The following SPA17 variants were observed in gnomAD, a reference collection of about 807,000 sequenced individuals.
The protein encoded by SPA17 is sperm surface protein Sp17.
A neutral mutation model predicts 13.8 loss-of-function variants in SPA17; 7 were observed. The ratio of observed to expected loss-of-function variants is 0.51; its 90% CI spans 0.29 to 0.95. SPA17 has a LOEUF of 0.95. Among genes scored for constraint, SPA17 ranks in the 40% least tolerant of loss-of-function variants. The pLI is 0.08. For missense variants in SPA17, 170 were observed against 179.3 expected, an observed-to-expected ratio of 0.95 and a Z score of 0.30; for synonymous variants, 61 against 59.0, an observed-to-expected ratio of 1.03 and a Z score of -0.16.
chr11:124,676,072 T>C (rs1039232700), intron 2 of SPA17: 8 of 152,214 alleles, frequency 5.3e-5, no homozygotes, highest in African/African-American at 1.4e-4. Context: ...GCAAAATTCC[T>C]TCACTCCTAT....
intron 3 of SPA17, among the ~76,000 whole-genome samples, chr11:124,684,824 C>G (rs987749883): frequency 4.6e-5 from 7 of 152,164 alleles, no homozygotes; most frequent in Admixed American, 2.0e-4. Flanking sequence ...AAAGGTCACT[C>G]TTACTATGCA....
At chr11:124,676,137 C>CAGGT (rs937480104) in intron 2 of SPA17, 1 of 152,150 alleles carries the variant, frequency 6.6e-6, no homozygotes, top group African/African-American at 2.4e-5. Flanking sequence ...AGGACTTTAC[C>CAGGT]AGTTTTGTAC....
chr11:124,681,526 G>GCTAT, intron 3 of SPA17, 67 bp downstream of exon 3: 1 of 1,217,532 alleles, frequency 8.2e-7, no homozygotes, highest in Non-Finnish European at 1.1e-6. Flanking sequence ...CAATTATTAG[G>GCTAT]CTATCCCCAG....
chr11:124,680,554 T>G (rs1943518320), intron 2 of SPA17, among the ~76,000 whole-genome samples: 1 of 152,210 alleles, frequency 6.6e-6, no homozygotes, highest in Non-Finnish European at 1.5e-5. Context: ...GGGTCCTGAT[T>G]TGAACCAACA....
chr11:124,694,435 G>A lies in SPA17; in HGVS notation c.445G>A (p.Glu149Lys). ...TNSLQNEEKE[E>K]NK ...TAGTCTTCAAAATGAGGAAAAAGAG[G>A]AAAACAAGTGAGGACACTGGTTTTA... is the stretch of plus-strand genomic sequence containing the variant. The change falls in exon 5 of 5, where the codon GAA becomes AAA. Residue 149 changes from glutamate (E) to lysine (K), a missense_variant. Glu to Lys is a moderately conservative substitution (Grantham distance 56, BLOSUM62 1). Coordinates refer to ENST00000227135, the MANE Select transcript of SPA17 (RefSeq NM_017425.4). 1 of 1,610,816 alleles carries A rather than the reference G, an allele frequency of 6.2e-7. No homozygotes were observed. The highest frequency in any genetic ancestry group is 8.5e-7 in the Non-Finnish European group (1 of 1,178,794).
At chr11:124,692,927 C>T (rs1027039423) in intron 4 of SPA17, among the ~76,000 whole-genome samples, 21 of 152,210 alleles carry the variant, frequency 1.4e-4, no homozygotes, top group Non-Finnish European at 2.6e-4. Context: ...AAGGAATACC[C>T]TACTTCCTAC....
intron 3 of SPA17, among the ~76,000 whole-genome samples, chr11:124,685,478 T>G (rs1943569336): frequency 6.6e-6 from 1 of 152,144 alleles, no homozygotes; most frequent in Admixed American, 6.5e-5. Context: ...TCTACTAGGG[T>G]AGTGCAGAAG....
intron 4 of SPA17, among the ~76,000 whole-genome samples, chr11:124,694,021 T>A (rs1943649423): frequency 1.3e-5 from 2 of 152,196 alleles, no homozygotes. Flanking sequence ...AAAAATGTTG[T>A]TGCTCAGGAA....
At position 124,691,868 on chromosome 11, in the gene SPA17, G is replaced by C. The variant is rs999446139; in HGVS notation, c.312+86G>C. On this transcript the variant is annotated intron_variant, in intron 4 of 4. Transcript: ENST00000227135. ...AACTGAACTCCAAATATGAATGTCTGTTATCTTTATTGTCAAAATTATGAC... is the reference window on the plus strand; with the variant it reads ...AACTGAACTCCAAATATGAATGTCTCTTATCTTTATTGTCAAAATTATGAC... The C allele has an allele frequency of 1.1e-5, 8 of 757,042 alleles. No homozygotes were observed. In the African/African-American group the frequency reaches 1.3e-4, roughly 12 times the overall value. The allele number at this position is 757,042 out of a possible 1,614,324, so 46.9% of individuals were successfully genotyped here.
intron 4 of SPA17, among the ~76,000 whole-genome samples, chr11:124,692,281 C>T (rs1943629332): frequency 6.6e-6 from 1 of 152,120 alleles, no homozygotes; most frequent in African/African-American, 2.4e-5. Flanking sequence ...TACATCCAAG[C>T]AGTCAAGACA....
intron 3 of SPA17, among the ~76,000 whole-genome samples, chr11:124,686,524 T>C (rs979614725): frequency 6.6e-6 from 1 of 152,238 alleles, no homozygotes; most frequent in African/African-American, 2.4e-5. Context: ...TTCTCAAAGA[T>C]AGACCATATT....
In SPA17 at chr11:124,695,591, T is replaced by C. The variant is rs1943664154; in HGVS notation, c.*1145T>C. On this transcript the variant is annotated 3_prime_UTR_variant, in exon 5 of 5. Transcript: ENST00000227135. Reference sequence around the variant, plus strand: ...GCAGTTCTCTTCCCAATACAAAAGGTAGAAAGTGGAGTCTTACCATTTAGT... The same window carrying C: ...GCAGTTCTCTTCCCAATACAAAAGGCAGAAAGTGGAGTCTTACCATTTAGT... 6.6e-6 allele frequency: 1 copy of C among 152,206 alleles called. No individual in the cohort carries two copies. The highest frequency in any genetic ancestry group is 2.4e-5 in the African/African-American group (1 of 41,442). 9.4% of individuals were successfully genotyped at this position (152,206 alleles called of 1,614,324 possible).
At chr11:124,683,031 C>T (rs916004561) in intron 3 of SPA17, among the ~76,000 whole-genome samples, 2 of 152,090 alleles carry the variant, frequency 1.3e-5, no homozygotes, top group Non-Finnish European at 2.9e-5. Context: ...GACTAATAAC[C>T]GTACTTCTCA....
In SPA17 at chr11:124,696,624, T is replaced by C. The variant is rs925759003; in HGVS notation, c.*2178T>C. 4.6e-5 allele frequency: 7 copies of C among 152,192 alleles called. No individual in the cohort carries two copies. Among genetic ancestry groups the C allele is most frequent in the African/African-American group, 1.7e-4 (7 of 41,428 alleles). The allele number at this position is 152,192 out of a possible 1,614,324, so 9.4% of individuals were successfully genotyped here. A position where few individuals can be genotyped will look rare whatever the true frequency, so the allele number is the denominator to read the frequency against. ...TAGAACTTATCTGGTTTTCCTCTTA[T>C]CTCTCTGGCTGTTCCTTCTCAATTC... On this transcript the variant is annotated 3_prime_UTR_variant, in exon 5 of 5. Coordinates refer to ENST00000227135, the MANE Select transcript of SPA17 (RefSeq NM_017425.4).
At position 124,694,201 on chromosome 11, in the gene SPA17, T is replaced by C. The variant is rs917615850; in HGVS notation, c.313-102T>C. 2.2e-5 allele frequency: 31 copies of C among 1,409,406 alleles called. 1 individual carries two copies. In the African/African-American group the frequency reaches 3.6e-4, roughly 17 times the overall value. 87.3% of individuals were successfully genotyped at this position (1,409,406 alleles called of 1,614,324 possible). The stretch of plus-strand genomic sequence containing the variant: ...CCCTCAGGAAGCAACAGCTCTCAGA[T>C]AGTTGCATCCCTAAAATGATTAAAT... On this transcript the variant is annotated intron_variant, in intron 4 of 4. Coordinates refer to ENST00000227135, the MANE Select transcript of SPA17 (RefSeq NM_017425.4).
At chr11:124,683,002 T>G (rs1029511981) in intron 3 of SPA17, among the ~76,000 whole-genome samples, 2 of 151,920 alleles carry the variant, frequency 1.3e-5, no homozygotes, top group African/African-American at 4.8e-5. Context: ...TCTCATCAAC[T>G]GTGAGGGAAA....
intron 4 of SPA17, among the ~76,000 whole-genome samples, chr11:124,692,017 T>C (rs776974799): frequency 6.6e-6 from 1 of 152,168 alleles, no homozygotes; most frequent in Admixed American, 6.5e-5. Flanking sequence ...AGATTGTTAA[T>C]GGATGGAAAA....
chr11:124,696,065 C>A lies in SPA17; in HGVS notation c.*1619C>A, dbSNP rs984289074. ...TTTCATTCTCTAATGTCCACTCATA[C>A]AGGCAGCCTTTCTCCTTCCAAAATC... On this transcript the variant is annotated 3_prime_UTR_variant, in exon 5 of 5. Transcript: ENST00000227135. 6.6e-6 allele frequency: 1 copy of A among 152,266 alleles called. No individual in the cohort carries two copies. The highest frequency in any genetic ancestry group is 1.9e-4 in the East Asian group (1 of 5,194). The allele number at this position is 152,266 out of a possible 1,614,324, so 9.4% of individuals were successfully genotyped here. A position where few individuals can be genotyped will look rare whatever the true frequency, so the allele number is the denominator to read the frequency against.
At chr11:124,688,375 A>G (rs991325586) in intron 3 of SPA17, among the ~76,000 whole-genome samples, 16 of 152,262 alleles carry the variant, frequency 1.1e-4, no homozygotes, top group Non-Finnish European at 1.5e-5. Flanking sequence ...TAGATTTGTT[A>G]AATGAATTCT....
Sources: allele counts gnomAD v4.1 joint callset (sites outside exome capture counted in the v4.1 genomes callset), GRCh38; gene constraint gnomAD v4.1.1; transcripts MANE v1.5; gene names NCBI Gene and HGNC (gene_info 2026-07-23, HGNC 2026-07-21).